Variants in CEP128 observed in about 807,000 individuals in gnomAD.
CEP128 encodes the protein centrosomal protein 128kDa.
A neutral mutation model predicts 156.7 loss-of-function variants in CEP128; 132 were observed. The ratio of observed to expected loss-of-function variants is 0.84; its 90% CI spans 0.73 to 0.97. CEP128 has a LOEUF of 0.97. Ranked by LOEUF, CEP128 falls within the 50% of genes least tolerant of loss-of-function variation. The pLI is 0.00. For synonymous variants in CEP128, 469 were observed against 448.9 expected (o/e 1.04, Z -0.57); for missense variants, 1,252 against 1,281.9 (o/e 0.98, Z 0.36).
chr14:80,795,723 G>A (rs1883426177), intron 13 of CEP128, among the ~76,000 whole-genome samples: 1 of 152,148 alleles, frequency 6.6e-6, no homozygotes, highest in Admixed American at 6.5e-5. Flanking sequence ...TTTGGTTTTA[G>A]TATGTACTAT....
At chr14:80,719,421 T>C (rs1897730707) in intron 19 of CEP128, among the ~76,000 whole-genome samples, 1 of 152,212 alleles carries the variant, frequency 6.6e-6, no homozygotes, top group Non-Finnish European at 1.5e-5. Flanking sequence ...TAAGAACTCT[T>C]TGGGCTAAGC....
chr14:80,680,032 G>T (rs1372563841), intron 19 of CEP128, among the ~76,000 whole-genome samples: 2 of 152,234 alleles, frequency 1.3e-5, no homozygotes, highest in Non-Finnish European at 2.9e-5. Flanking sequence ...CAGCGTAGTT[G>T]CGCATGCATT....
chr14:80,827,543 G>A (rs775935911), intron 13 of CEP128, among the ~76,000 whole-genome samples: 21 of 152,192 alleles, frequency 1.4e-4, no homozygotes, highest in Non-Finnish European at 2.8e-4. Context: ...AAGATTGCTG[G>A]AATGAGAAGA....
intron 19 of CEP128, among the ~76,000 whole-genome samples, chr14:80,734,645 C>G (rs1348209608): frequency 6.6e-6 from 1 of 151,510 alleles, no homozygotes; most frequent in Admixed American, 6.6e-5. Flanking sequence ...GTCAAGAGAT[C>G]GAGACCATCC....
At chr14:80,841,376 C>T (rs138549436) in intron 9 of CEP128, among the ~76,000 whole-genome samples, 497 of 152,094 alleles carry the variant, frequency 3.3e-3, no homozygotes, top group African/African-American at 0.011. Context: ...AGGCAAACAG[C>T]AAAATATGTT....
At chr14:80,671,792 T>C (rs1895852077) in intron 19 of CEP128, among the ~76,000 whole-genome samples, 1 of 151,536 alleles carries the variant, frequency 6.6e-6, no homozygotes, top group Non-Finnish European at 1.5e-5. Context: ...TGGTTTACTG[T>C]TCACAATTCA....
chr14:80,741,833 T>C (rs145912762), intron 19 of CEP128, among the ~76,000 whole-genome samples: 3 of 152,290 alleles, frequency 2.0e-5, no homozygotes, highest in Non-Finnish European at 4.4e-5. Context: ...TTCGCTGCCT[T>C]TCACCTTCTC....
intron 2 of CEP128, among the ~76,000 whole-genome samples, chr14:80,933,441 T>C (rs1885598103): frequency 6.6e-6 from 1 of 152,210 alleles, no homozygotes; most frequent in African/African-American, 2.4e-5. Flanking sequence ...CTTTTACAGA[T>C]AATCCCCTTA....
intron 21 of CEP128, among the ~76,000 whole-genome samples, chr14:80,540,372 T>C (rs1468525883): frequency 6.6e-6 from 1 of 152,148 alleles, no homozygotes; most frequent in Non-Finnish European, 1.5e-5. Context: ...AGAAAGAACC[T>C]ACTTTGAAAT....
intron 19 of CEP128, among the ~76,000 whole-genome samples, chr14:80,678,378 A>C (rs983483679): frequency 1.3e-4 from 20 of 152,028 alleles, no homozygotes; most frequent in African/African-American, 4.6e-4. Flanking sequence ...AAAAAAAAAA[A>C]AAGGACCCTA....
chr14:80,876,704 G>T (rs557706184), intron 8 of CEP128, among the ~76,000 whole-genome samples: 2 of 152,006 alleles, frequency 1.3e-5, no homozygotes, highest in East Asian at 3.9e-4. Context: ...AGGGAAAATG[G>T]CCCATCTAGA....
chr14:80,757,728 A>C (rs928941900), intron 17 of CEP128, among the ~76,000 whole-genome samples: 2 of 152,206 alleles, frequency 1.3e-5, no homozygotes, highest in African/African-American at 4.8e-5. Context: ...GGAGAAGTCT[A>C]TTCCTATTCT....
intron 8 of CEP128, among the ~76,000 whole-genome samples, chr14:80,884,518 T>A (rs1025928573): frequency 1.3e-5 from 2 of 152,068 alleles, no homozygotes; most frequent in African/African-American, 4.8e-5. Flanking sequence ...TGAGCAGAAG[T>A]AGGGTGGGGC....
intron 9 of CEP128, among the ~76,000 whole-genome samples, chr14:80,844,036 T>G (rs1886474854): frequency 6.6e-6 from 1 of 152,064 alleles, no homozygotes; most frequent in South Asian, 2.1e-4. Context: ...TTCTTTGAAT[T>G]TCTAAATTAT....
At chr14:80,589,018 T>C (rs1488135576) in intron 19 of CEP128, among the ~76,000 whole-genome samples, 1 of 152,120 alleles carries the variant, frequency 6.6e-6, no homozygotes, top group Non-Finnish European at 1.5e-5. Flanking sequence ...ATATCTTTAA[T>C]ATAAAGATTA....
downstream of CEP128, among the ~76,000 whole-genome samples, chr14:80,493,818 G>A (rs550785978): frequency 2.0e-4 from 30 of 152,302 alleles, no homozygotes; most frequent in African/African-American, 7.0e-4. Context: ...CATAGGCATA[G>A]CTATAGCAGG....
At chr14:80,509,826 T>C (rs1265913378) in intron 23 of CEP128, among the ~76,000 whole-genome samples, 1 of 152,234 alleles carries the variant, frequency 6.6e-6, no homozygotes, top group Non-Finnish European at 1.5e-5. Flanking sequence ...ACATTCTAGT[T>C]TCATTTTTCT....
At chr14:80,804,362 T>C (rs1316931401) in intron 13 of CEP128, among the ~76,000 whole-genome samples, 1 of 152,076 alleles carries the variant, frequency 6.6e-6, no homozygotes, top group Non-Finnish European at 1.5e-5. Flanking sequence ...GCAATGATAA[T>C]GATATTTCAA....
chr14:80,824,676 C>T (rs1885372752), intron 13 of CEP128, among the ~76,000 whole-genome samples: 1 of 152,210 alleles, frequency 6.6e-6, no homozygotes, highest in African/African-American at 2.4e-5. Flanking sequence ...GGGACCACCT[C>T]ACCCTGGACT....
Sources: allele counts gnomAD v4.1 joint callset (sites outside exome capture counted in the v4.1 genomes callset), GRCh38; gene constraint gnomAD v4.1.1; transcripts MANE v1.5; gene names NCBI Gene and HGNC (gene_info 2026-07-23, HGNC 2026-07-21).